The following SMARCD3 variants were observed in gnomAD, a reference collection of about 807,000 sequenced individuals.
The protein encoded by SMARCD3 is SWI/SNF related BAF chromatin remodeling complex subunit D3.
Under a neutral mutation model 58.0 loss-of-function variants are expected in SMARCD3, and 14 were observed. That is an observed-to-expected ratio of 0.24 (90% CI 0.16 to 0.38). The LOEUF (loss-of-function observed/expected upper bound fraction) is 0.38, where lower values mean the gene tolerates loss of function less well. SMARCD3 is among the 10% of genes least tolerant of loss of function. SMARCD3 has a pLI of 1.00. For synonymous variants in SMARCD3, 253 were observed against 253.8 expected, an observed-to-expected ratio of 1.00 and a Z score of 0.03; for missense variants, 408 against 636.9, an observed-to-expected ratio of 0.64 and a Z score of 3.87.
chr7:151,260,610 T>C (rs11971049), intron 2 of SMARCD3, among the ~76,000 whole-genome samples: 36,841 of 152,080 alleles, frequency 0.24, 4,704 homozygotes, highest in Non-Finnish European at 0.27. Context: ...AATCCCATGG[T>C]GACACGCCAC....
At chr7:151,259,103 A>G (rs1432319965) in intron 2 of SMARCD3, among the ~76,000 whole-genome samples, 1 of 152,020 alleles carries the variant, frequency 6.6e-6, no homozygotes, top group Non-Finnish European at 1.5e-5. Context: ...TGTAATCCCA[A>G]CACTTTGGGA....
At chr7:151,275,197 G>A (rs1170241710) in exon 2 of SMARCD3, 9 of 1,584,966 alleles carry the variant, frequency 5.7e-6, no homozygotes, top group Admixed American at 1.7e-5. Context: ...GTGCCCCCTC[G>A]GTGCCTGGGC....
intron 2 of SMARCD3, among the ~76,000 whole-genome samples, chr7:151,274,946 G>C (rs962865145): frequency 6.6e-6 from 1 of 152,208 alleles, no homozygotes; most frequent in African/African-American, 2.4e-5. Flanking sequence ...GTGTCAGCAG[G>C]GGTGGGGAGA....
intron 2 of SMARCD3, among the ~76,000 whole-genome samples, chr7:151,266,565 G>C (rs372717257): frequency 6.6e-6 from 1 of 152,086 alleles, no homozygotes; most frequent in Non-Finnish European, 1.5e-5. Context: ...AGCAAGACAA[G>C]GCTCTCTCTC....
At chr7:151,273,176 T>C (rs775352891) in intron 2 of SMARCD3, among the ~76,000 whole-genome samples, 1 of 152,230 alleles carries the variant, frequency 6.6e-6, no homozygotes, top group Non-Finnish European at 1.5e-5. Context: ...CACCACCTTG[T>C]CACTCTTGGA....
intron 2 of SMARCD3, among the ~76,000 whole-genome samples, chr7:151,267,298 T>C (rs558903032): frequency 6.6e-6 from 1 of 152,366 alleles, no homozygotes; most frequent in Admixed American, 6.5e-5. Context: ...ACTGTATCCA[T>C]TTTAAAGACA....
Position 151,241,929 on chromosome 7 carries a change from C to T in SMARCD3, c.725G>A (p.Arg242Gln), listed in dbSNP as rs1254353539. The T allele has an allele frequency of 6.2e-7, 1 of 1,613,020 alleles. No individual in the cohort carries two copies. Among genetic ancestry groups the T allele is most frequent in the Non-Finnish European group, 8.5e-7 (1 of 1,179,612 alleles). The change falls in exon 7 of 13, where the codon CGG becomes CAG. Residue 242 changes from arginine (R) to glutamine (Q), a missense_variant. Around this residue, in one of 4 missense-constraint regions of SMARCD3, gnomAD observed 115 missense variants for 257.2 expected, o/e 0.45. Transcript: ENST00000262188. This position sits in a 1 kb window ranked among gnomAD's most constrained non-coding sequence, Gnocchi z 5.3. Reference sequence around the variant, plus strand: ...GCAGCGCACACTCAGGTCCCCAGGCCGTTTCACCTGGAAGCCGTCCGTCTC... The same window carrying T: ...GCAGCGCACACTCAGGTCCCCAGGCTGTTTCACCTGGAAGCCGTCCGTCTC... ...TQETDGFQVKRPGDLSVRCTL... is the reference protein window; with the variant it reads ...TQETDGFQVKQPGDLSVRCTL...
chr7:151,240,267 C>T lies in SMARCD3; in HGVS notation c.1038-20G>A. 6.2e-7 allele frequency: 1 copy of T among 1,602,436 alleles called. No homozygotes were observed. The highest frequency in any genetic ancestry group is 8.5e-7 in the Non-Finnish European group (1 of 1,177,218). On this transcript the variant is annotated intron_variant, in intron 9 of 12. Transcript: ENST00000262188. The stretch of plus-strand genomic sequence containing the variant: ...TCCACGCTGCCAGGGAAGTCCAGCC[C>T]TTCGTGTCCACGATGCCCCCATACG...
intron 2 of SMARCD3, among the ~76,000 whole-genome samples, chr7:151,257,104 T>C (rs932017368): frequency 6.6e-6 from 1 of 152,238 alleles, no homozygotes; most frequent in Non-Finnish European, 1.5e-5. Flanking sequence ...TTGCTTGGGC[T>C]GGTCTCAAAC....
chr7:151,269,035 T>C (rs1043577320), intron 2 of SMARCD3, among the ~76,000 whole-genome samples: 2 of 152,180 alleles, frequency 1.3e-5, no homozygotes, highest in Non-Finnish European at 2.9e-5. Context: ...TGTTCTTGAA[T>C]CTGAGGTGGG....
upstream of SMARCD3, among the ~76,000 whole-genome samples, chr7:151,253,518 C>T (rs1803596539): frequency 6.6e-6 from 1 of 152,166 alleles, no homozygotes; most frequent in South Asian, 2.1e-4. Context: ...ATTCCTCAGT[C>T]TAATGGGATG....
At chr7:151,276,173 G>C (rs1343829409) in intron 1 of SMARCD3, among the ~76,000 whole-genome samples, 2 of 151,600 alleles carry the variant, frequency 1.3e-5, no homozygotes, top group African/African-American at 4.9e-5. Context: ...AAGAAGGTGG[G>C]GGACAGAGGG....
rs918434343 is a variant in SMARCD3 at position 151,242,133 on chromosome 7, T to C, written c.675+4A>G. 1.2e-6 allele frequency: 2 copies of C among 1,607,622 alleles called. No individual in the cohort carries two copies. The highest frequency in any genetic ancestry group is 1.7e-6 in the Non-Finnish European group (2 of 1,174,086). On this transcript the variant is annotated splice_donor_region_variant and intron_variant, in intron 6 of 12. Transcript: ENST00000262188. The surrounding 1 kb of genome is among the most constrained non-coding windows in gnomAD (Gnocchi z 4.7). ...TTCAAGGGCGGAGGGGCTCTTGGTC[T>C]TACCTCAACGAGGTGGTTGTCAGGG...
upstream of SMARCD3, chr7:151,248,768 C>A (rs1211646370): frequency 1.5e-4 from 141 of 949,612 alleles, no homozygotes; most frequent in Non-Finnish European, 1.7e-4. This position sits in a 1 kb window ranked among gnomAD's most constrained non-coding sequence, Gnocchi z 6.1. Flanking sequence ...CCGCCGCCGC[C>A]GCCGCCGCGG....
chr7:151,274,998 G>A (rs1401579065), intron 2 of SMARCD3: 1 of 810,274 alleles, frequency 1.2e-6, no homozygotes, highest in Non-Finnish European at 2.1e-6. Context: ...GAGTCCAGCT[G>A]GGGGCAGAAA....
Position 151,245,801 on chromosome 7 carries a change from C to T in SMARCD3, c.79-130G>A, listed in dbSNP as rs1803231915. 4 of 381,930 alleles carry T rather than the reference C, an allele frequency of 1.0e-5. No homozygotes were observed. The East Asian group carries it at 1.5e-4, about 14-fold the overall frequency. The allele number at this position is 381,930 out of a possible 1,614,324, so 23.7% of individuals were successfully genotyped here. ...TCGGCTGGTGACCCTGAGCGTTGAG[C>T]GATGGGTGGGAGCGATGGGTAGGAG... On this transcript the variant is annotated intron_variant, in intron 1 of 12. Transcript: ENST00000262188. The surrounding 1 kb of genome is among the most constrained non-coding windows in gnomAD (Gnocchi z 6.2).
intron 2 of SMARCD3, among the ~76,000 whole-genome samples, chr7:151,270,968 G>T (rs137939719): frequency 0.011 from 1,734 of 152,262 alleles, 11 homozygotes; most frequent in Middle Eastern, 0.044. Flanking sequence ...TAAGAAAGGG[G>T]GTGGACTTGG....
chr7:151,240,516 C>T lies in SMARCD3; in HGVS notation c.946G>A (p.Asp316Asn). ...NGDKYFQQIF[D>N]CPRLKFSEIP... ...TCAGAAAACTTCAGCCGGGGACAAT[C>T]AAAAATCTGAAGCAGGACAATTGGG... The change falls in exon 9 of 13, where the codon GAT (aspartate) becomes AAT (asparagine). Residue 316 changes from aspartate (D) to asparagine (N), a missense_variant. Coordinates refer to ENST00000262188, the MANE Select transcript of SMARCD3 (RefSeq NM_001003801.2). The T allele has an allele frequency of 1.2e-6, 2 of 1,612,366 alleles. No homozygotes were observed. The highest frequency in any genetic ancestry group is 1.7e-6 in the Non-Finnish European group (2 of 1,179,042).
upstream of SMARCD3, chr7:151,277,066 G>C (rs1795370524): frequency 1.3e-5 from 2 of 149,480 alleles, no homozygotes; most frequent in Non-Finnish European, 3.0e-5. Flanking sequence ...CGCGCGGCGC[G>C]GGTCGCTCAC....
Sources: gnomAD v4.1 joint callset for allele counts (sites outside exome capture counted in the v4.1 genomes callset) on GRCh38, gnomAD v4.1.1 for gene constraint, gnomAD v4.1.1 regional missense constraint, Gnocchi (gnomAD v3.1) non-coding constraint, MANE v1.5 for transcripts, NCBI Gene and HGNC (gene_info 2026-07-23, HGNC 2026-07-21) for gene names.